TCEANC2: variants seen among roughly 807,000 people sequenced by gnomAD.
TCEANC2 encodes transcription elongation factor A N-terminal and central domain containing 2.
In TCEANC2, 20 loss-of-function variants were observed where a neutral mutation model predicts 22.8. The ratio of observed to expected loss-of-function variants is 0.88; its 90% CI spans 0.62 to 1.28. The LOEUF (loss-of-function observed/expected upper bound fraction) is 1.28. Ranked by LOEUF, TCEANC2 falls within the 50% of genes most tolerant of loss-of-function variation. The probability of loss-of-function intolerance (pLI) is 0.00; values close to 1 mark genes in which losing one functional copy is unlikely to be tolerated. For missense variants in TCEANC2, 251 were observed against 249.7 expected (o/e 1.01, Z -0.03); for synonymous variants, 84 against 95.5 (o/e 0.88, Z 0.70).
At chr1:54,087,289 C>CT (rs1272583288) in intron 3 of TCEANC2, among the ~76,000 whole-genome samples, 1 of 151,782 alleles carries the variant, frequency 6.6e-6, no homozygotes, top group East Asian at 1.9e-4. Flanking sequence ...GACCCTTCAC[C>CT]TTTTTTCCAT....
At chr1:54,074,581 G>A (rs973495211) in intron 3 of TCEANC2, among the ~76,000 whole-genome samples, 1 of 152,130 alleles carries the variant, frequency 6.6e-6, no homozygotes, top group African/African-American at 2.4e-5. Flanking sequence ...AGAAGAAACC[G>A]AGAAGGTACG....
chr1:54,084,813 A>G (rs1276670661), intron 3 of TCEANC2, among the ~76,000 whole-genome samples: 1 of 152,144 alleles, frequency 6.6e-6, no homozygotes, highest in East Asian at 1.9e-4. Flanking sequence ...TAGGTCTGAT[A>G]TCCTGTACGA....
chr1:54,082,818 G>T (rs1658270529), intron 3 of TCEANC2, among the ~76,000 whole-genome samples: 1 of 152,188 alleles, frequency 6.6e-6, no homozygotes, highest in Non-Finnish European at 1.5e-5. Context: ...GGGCCATGGA[G>T]AACCATCGGA....
Position 54,098,931 on chromosome 1 carries a change from A to G in TCEANC2, c.*2458A>G, listed in dbSNP as rs545631053. ...AAAACCCAGAAGTGGAGATATCTGG[A>G]AGGTGATTGGTATGGCTGGAGTAGA... is the stretch of plus-strand genomic sequence containing the variant. On this transcript the variant is annotated 3_prime_UTR_variant, in exon 5 of 5. Transcript: ENST00000234827. The G allele has an allele frequency of 2.0e-5, 3 of 152,460 alleles. No individual in the cohort carries two copies. The highest frequency in any genetic ancestry group is 7.2e-5 in the African/African-American group (3 of 41,552). The allele number at this position is 152,460 out of a possible 1,614,324, so 9.4% of individuals were successfully genotyped here. A position where few individuals can be genotyped will look rare whatever the true frequency, so the allele number is the denominator to read the frequency against.
At chr1:54,070,614 C>T (rs561228398) in intron 3 of TCEANC2, among the ~76,000 whole-genome samples, 97 of 152,258 alleles carry the variant, frequency 6.4e-4, no homozygotes, top group African/African-American at 2.3e-3. Context: ...TCCCAAGCCT[C>T]CCCTAAACCT....
At chr1:54,076,977 GATGAC>G (rs1304167550) in intron 3 of TCEANC2, among the ~76,000 whole-genome samples, 1 of 144,038 alleles carries the variant, frequency 6.9e-6, no homozygotes. Flanking sequence ...CTCATTGAGA[GATGAC>G]ATTTGAGCAG....
intron 3 of TCEANC2, among the ~76,000 whole-genome samples, chr1:54,075,249 G>A (rs997999502): frequency 2.6e-5 from 4 of 152,218 alleles, no homozygotes; most frequent in Admixed American, 2.6e-4. Flanking sequence ...AATGATTGAC[G>A]TGAAAATGCT....
chr1:54,054,646 C>A, intron 2 of TCEANC2, 122 bp downstream of exon 2: 1 of 937,504 alleles, frequency 1.1e-6, no homozygotes, highest in Non-Finnish European at 1.5e-6. Flanking sequence ...CAAAGTGTAC[C>A]TGACCACTCC....
rs943970742 is a variant in TCEANC2 at position 54,054,374 on chromosome 1, T to G, written c.-42-7T>G. On this transcript the variant is annotated splice_polypyrimidine_tract_variant and splice_region_variant and intron_variant, in intron 1 of 4. Transcript: ENST00000234827. ...GGGTTTTAGAATCTGCCCTCTTTCT[T>G]GACCAGAACACGCTGCAAGCACGTC... 3 of 1,610,210 alleles carry G rather than the reference T, an allele frequency of 1.9e-6. No individual in the cohort carries two copies. Among genetic ancestry groups the G allele is most frequent in the African/African-American group, 2.7e-5 (2 of 74,796 alleles).
chr1:54,070,115 G>A (rs999683574), intron 3 of TCEANC2, among the ~76,000 whole-genome samples: 5 of 152,154 alleles, frequency 3.3e-5, no homozygotes, highest in Non-Finnish European at 7.3e-5. Flanking sequence ...GAGTCTTAGA[G>A]TTGTACCCCT....
chr1:54,072,506 C>T (rs900112830), intron 3 of TCEANC2, among the ~76,000 whole-genome samples: 1 of 152,070 alleles, frequency 6.6e-6, no homozygotes, highest in African/African-American at 2.4e-5. Flanking sequence ...CAGCAATTCT[C>T]CTGCCTCAGC....
chr1:54,095,561 T>G (rs1418244581), intron 4 of TCEANC2, among the ~76,000 whole-genome samples: 2 of 152,232 alleles, frequency 1.3e-5, no homozygotes, highest in Non-Finnish European at 2.9e-5. Context: ...TCAAGATGGC[T>G]TGGGCCTGAG....
At chr1:54,075,183 T>A (rs1049019111) in intron 3 of TCEANC2, among the ~76,000 whole-genome samples, 3 of 152,326 alleles carry the variant, frequency 2.0e-5, no homozygotes, top group African/African-American at 4.8e-5. Context: ...TAATGCATGG[T>A]TCATGTTTGT....
chr1:54,064,060 A>G (rs1657905016), intron 2 of TCEANC2, among the ~76,000 whole-genome samples: 1 of 152,250 alleles, frequency 6.6e-6, no homozygotes, highest in African/African-American at 2.4e-5. Flanking sequence ...CTATTAAGAC[A>G]CTTCATATTC....
intron 3 of TCEANC2, among the ~76,000 whole-genome samples, chr1:54,077,982 C>T (rs1259657874): frequency 6.6e-6 from 1 of 152,178 alleles, no homozygotes; most frequent in Non-Finnish European, 1.5e-5. Context: ...GGATATGCAT[C>T]TCCTATCCTG....
chr1:54,081,012 A>G (rs1658233549), intron 3 of TCEANC2, among the ~76,000 whole-genome samples: 1 of 152,142 alleles, frequency 6.6e-6, no homozygotes, highest in Non-Finnish European at 1.5e-5. Context: ...ACCAGAGGGA[A>G]TAGTAGAGGG....
downstream of TCEANC2, among the ~76,000 whole-genome samples, chr1:54,106,278 A>G (rs1195595802): frequency 1.3e-5 from 2 of 152,248 alleles, no homozygotes; most frequent in East Asian, 1.9e-4. Context: ...ATTTTGGAAT[A>G]CCGTGCAGTG....
At chr1:54,054,943 G>T (rs1160530029) in intron 2 of TCEANC2, among the ~76,000 whole-genome samples, 2 of 152,184 alleles carry the variant, frequency 1.3e-5, no homozygotes, top group East Asian at 3.9e-4. Flanking sequence ...AGCTTCAGCT[G>T]AGACTGGGAA....
At chr1:54,057,264 C>G (rs935268979) in intron 2 of TCEANC2, among the ~76,000 whole-genome samples, 3 of 147,942 alleles carry the variant, frequency 2.0e-5, no homozygotes, top group Non-Finnish European at 4.5e-5. Context: ...CTCTGTCACC[C>G]AGGCTGGAAT....
Sources: allele counts gnomAD v4.1 joint callset (sites outside exome capture counted in the v4.1 genomes callset), GRCh38; gene constraint gnomAD v4.1.1; transcripts MANE v1.5; gene names NCBI Gene and HGNC (gene_info 2026-07-23, HGNC 2026-07-21).